HMG20B: variants seen among roughly 807,000 people sequenced by gnomAD.
HMG20B encodes high mobility group 20B.
Under a neutral mutation model 41.6 loss-of-function variants are expected in HMG20B, and 24 were observed. That is an observed-to-expected ratio of 0.58 (90% CI 0.42 to 0.81). HMG20B has a LOEUF of 0.81. Ranked by LOEUF, HMG20B falls within the 30% of genes least tolerant of loss-of-function variation. The pLI is 0.00. For missense variants in HMG20B, 461 were observed against 444.0 expected (o/e 1.04, Z -0.34); for synonymous variants, 251 against 186.6 (o/e 1.34, Z -2.81).
chr19:3,578,220 C>G lies in HMG20B; in HGVS notation c.941+107C>G, dbSNP rs749969143. Reference sequence around the variant, plus strand: ...CTGCTGGGTGGGACTCCGCAGCTTACTAGAGATCACCTCCCGGAGGGGCCT... The same window carrying G: ...CTGCTGGGTGGGACTCCGCAGCTTAGTAGAGATCACCTCCCGGAGGGGCCT... On this transcript the variant is annotated intron_variant, in intron 9 of 9. Coordinates refer to ENST00000333651, the MANE Select transcript of HMG20B (RefSeq NM_006339.3). The G allele has an allele frequency of 4.1e-6, 6 of 1,451,964 alleles. No homozygotes were observed. The Admixed American group carries it at 8.3e-5, about 20-fold the overall frequency. The allele number at this position is 1,451,964 out of a possible 1,614,324, so 89.9% of individuals were successfully genotyped here.
intron 8 of HMG20B, 107 bp from the exon 9 acceptor site, chr19:3,577,874 C>T (rs940030252): frequency 1.6e-5 from 17 of 1,054,046 alleles, no homozygotes; most frequent in Non-Finnish European, 1.9e-5. Flanking sequence ...GTCCGGACCT[C>T]TGAGCGCCCG....
At chr19:3,576,809 TG>T in intron 7 of HMG20B, 82 bp from the exon 8 acceptor site, 1 of 1,466,738 alleles carries the variant, frequency 6.8e-7, no homozygotes, top group Non-Finnish European at 9.3e-7. Context: ...GAGGGAAACC[TG>T]GGCAGGGGCA....
At chr19:3,578,366 G>A (rs1254160493) in intron 9 of HMG20B, 143 bp from the exon 10 acceptor site, 2 of 1,281,702 alleles carry the variant, frequency 1.6e-6, no homozygotes, top group African/African-American at 1.5e-5. Context: ...CCAGCGCCCG[G>A]GTTAGATAGG....
Position 3,573,805 on chromosome 19 carries a change from G to A in HMG20B, c.147+5G>A. The A allele has an allele frequency of 6.3e-7, 1 of 1,588,404 alleles. No individual in the cohort carries two copies. Among genetic ancestry groups the A allele is most frequent in the Non-Finnish European group, 8.5e-7 (1 of 1,170,940 alleles). On this transcript the variant is annotated splice_donor_5th_base_variant and intron_variant, in intron 3 of 9. Transcript: ENST00000333651. ...AAGGGGTCCCACGAGGAGGAGGTGA[G>A]AGTCCCTGCGCTGAGCTGGGGGAGG...
At chr19:3,573,248 G>A in intron 1 of HMG20B, 44 bp from the exon 2 acceptor site, 1 of 1,480,160 alleles carries the variant, frequency 6.8e-7, no homozygotes. Flanking sequence ...TCTGCCATCG[G>A]GCAGCCCGGG....
At chr19:3,574,109 G>A (rs924244402) in intron 3 of HMG20B, 7 of 629,956 alleles carry the variant, frequency 1.1e-5, no homozygotes, top group South Asian at 7.0e-5. Flanking sequence ...CGCCCACCAA[G>A]CAGAGGCCAC....
Position 3,573,782 on chromosome 19 carries a change from G to T in HMG20B, c.129G>T (p.Lys43Asn). 1 of 1,579,630 alleles carries T rather than the reference G, an allele frequency of 6.3e-7. No homozygotes were observed. Among genetic ancestry groups the T allele is most frequent in the South Asian group, 1.1e-5 (1 of 88,064 alleles). Residue 43 changes from lysine to asparagine, a missense_variant, in exon 3 of 10, where the codon AAG (lysine) becomes AAT (asparagine). Lys to Asn is a moderately conservative substitution (Grantham distance 94). This residue lies in a region of HMG20B where 104 missense variants were observed against 76.5 expected (regional missense o/e 1.36). Coordinates refer to ENST00000333651, the MANE Select transcript of HMG20B (RefSeq NM_006339.3). ...ERGEGPRAGEKGSHEEEPVKK... is the reference protein window; with the variant it reads ...ERGEGPRAGENGSHEEEPVKK... ...GCGAGGGTCCACGCGCGGGCGAGAAGGGGTCCCACGAGGAGGAGGTGAGAG... is the reference window on the plus strand; with the variant it reads ...GCGAGGGTCCACGCGCGGGCGAGAATGGGTCCCACGAGGAGGAGGTGAGAG...
chr19:3,575,456 G>T, intron 4 of HMG20B, 84 bp from the exon 5 acceptor site: 2 of 1,537,488 alleles, frequency 1.3e-6, no homozygotes. Context: ...GAGAGGGGAG[G>T]GTGCTGTGAA....
In HMG20B at chr19:3,578,868, A is replaced by G. The variant is rs768339650; in HGVS notation, c.*347A>G. 1.6e-5 allele frequency: 9 copies of G among 575,172 alleles called. No homozygotes were observed. The highest frequency in any genetic ancestry group is 1.4e-4 in the South Asian group (9 of 66,290). 35.6% of individuals were successfully genotyped at this position (575,172 alleles called of 1,614,324 possible). Reference sequence around the variant, plus strand: ...CCCCAGCACACGGCAGGACCCCCCAAATTACTCACTACGGGGGGCTGTGCC... The same window carrying G: ...CCCCAGCACACGGCAGGACCCCCCAGATTACTCACTACGGGGGGCTGTGCC... On this transcript the variant is annotated 3_prime_UTR_variant, in exon 10 of 10. Transcript: ENST00000333651.
chr19:3,577,090 C>T lies in HMG20B; in HGVS notation c.791C>T (p.Ala264Val). The change falls in exon 8 of 10, where the codon GCC (alanine) becomes GTC (valine). Residue 264 changes from alanine (A) to valine (V), a missense_variant. By Grantham distance (64) the Ala-to-Val change is moderately conservative. Around this residue, in one of 3 missense-constraint regions of HMG20B, gnomAD observed 308 missense variants for 283.4 expected, o/e 1.09. Transcript: ENST00000333651. ...AVRQALTASF[A>V]SLPVPGTGET... is the part of the protein sequence containing the mutation. ...CGCCAGGCGCTCACCGCCAGCTTCG[C>T]CTCACTGCCGGTGCCGGGTGCGGGC... The T allele has an allele frequency of 6.5e-7, 1 of 1,536,850 alleles. No individual in the cohort carries two copies.
At chr19:3,576,159 C>T in intron 5 of HMG20B, 102 bp from the exon 6 acceptor site, 1 of 1,020,410 alleles carries the variant, frequency 9.8e-7, no homozygotes, top group Non-Finnish European at 1.5e-6. Flanking sequence ...GCGGGGCACT[C>T]AAGTGGGGAG....
intron 8 of HMG20B, 91 bp from the exon 9 acceptor site, chr19:3,577,890 C>A: frequency 1.6e-6 from 2 of 1,246,206 alleles, no homozygotes; most frequent in Non-Finnish European, 2.2e-6. Flanking sequence ...GCCCGCGCGA[C>A]CCGCCCTGAG....
rs976610949 is a variant in HMG20B at position 3,575,629 on chromosome 19, G to A, written c.441G>A (p.Thr147=). The A allele has an allele frequency of 1.3e-5, 20 of 1,551,354 alleles. No individual in the cohort carries two copies. Among genetic ancestry groups the A allele is most frequent in the East Asian group, 2.4e-5 (1 of 40,930 alleles). Reference sequence around the variant, plus strand: ...AGTCTGAAGCCTATAAGATGTGCACGGAGAAGATCCAGGAGAAGAAGATCA... The same window carrying A: ...AGTCTGAAGCCTATAAGATGTGCACAGAGAAGATCCAGGAGAAGAAGATCA... ...YQQSEAYKMC[T]EKIQEKKIKK... Residue 147 remains threonine, a synonymous_variant, in exon 5 of 10, where the codon ACG becomes ACA. Transcript: ENST00000333651.
In HMG20B at chr19:3,576,676, A is replaced by AG. The variant is rs2032168649; in HGVS notation, c.592+57dup. The stretch of plus-strand genomic sequence containing the variant: ...CGAACTCCGTGAAACTGGGTGGTAG[A>AG]GGGGGGCGTGGGCCAGGAGGGCCCC... On this transcript the variant is annotated intron_variant, in intron 7 of 9. Transcript: ENST00000333651. The AG allele has an allele frequency of 2.0e-6, 3 of 1,536,444 alleles. No homozygotes were observed. In the East Asian group the frequency reaches 6.9e-5, roughly 35 times the overall value.
intron 5 of HMG20B, chr19:3,575,941 CTCA>C: frequency 3.2e-6 from 1 of 312,196 alleles, no homozygotes; most frequent in Non-Finnish European, 5.5e-6. Context: ...GAGACTCCGT[CTCA>C]AAAAAAAAAA....
chr19:3,573,046 G>A (rs1421870023), intron 1 of HMG20B, 52 bp downstream of exon 1: 13 of 443,356 alleles, frequency 2.9e-5, no homozygotes, highest in Non-Finnish European at 4.8e-5. Flanking sequence ...GGGTGCAGGG[G>A]TCCCAGGGCC....
rs1249726191 is a variant in HMG20B at position 3,578,257 on chromosome 19, C to T, written c.941+144C>T. ...TCCCGGAGGGGCCTACCTGCGGTCG[C>T]CCCTGATGCACCAGTGCTAGGATGG... On this transcript the variant is annotated intron_variant, in intron 9 of 9. Transcript: ENST00000333651. The T allele has an allele frequency of 4.0e-6, 5 of 1,255,026 alleles. No individual in the cohort carries two copies. The East Asian group carries it at 1.2e-4, about 31-fold the overall frequency. 77.7% of individuals were successfully genotyped at this position (1,255,026 alleles called of 1,614,324 possible). A position where few individuals can be genotyped will look rare whatever the true frequency, so the allele number is the denominator to read the frequency against.
rs1320695564 is a variant in HMG20B at position 3,578,032 on chromosome 19, T to A, written c.860T>A (p.Leu287His). ...ACTCTGGACTTCTACATGGCCCGGC[T>A]TCACGGAGCCATCGAGCGCGACCCC... ...LGTLDFYMARLHGAIERDPAQ... is the reference protein window; with the variant it reads ...LGTLDFYMARHHGAIERDPAQ... Residue 287 changes from leucine to histidine, a missense_variant, in exon 9 of 10, where the codon CTT becomes CAT. Leu to His is a moderately conservative substitution (Grantham distance 99). Coordinates refer to ENST00000333651, the MANE Select transcript of HMG20B (RefSeq NM_006339.3). The A allele has an allele frequency of 6.2e-7, 1 of 1,609,560 alleles. No homozygotes were observed. Among genetic ancestry groups the A allele is most frequent in the Non-Finnish European group, 8.5e-7 (1 of 1,178,944 alleles).
At chr19:3,577,948 C>T (rs911798439) in intron 8 of HMG20B, 33 bp from the exon 9 acceptor site, 2 of 1,546,968 alleles carry the variant, frequency 1.3e-6, no homozygotes, top group African/African-American at 1.4e-5. Flanking sequence ...GACTCCCCGG[C>T]ACCCTCGCCT....
Sources: gnomAD v4.1 joint callset for allele counts on GRCh38, gnomAD v4.1.1 for gene constraint, gnomAD v4.1.1 regional missense constraint, MANE v1.5 for transcripts, NCBI Gene and HGNC (gene_info 2026-07-23, HGNC 2026-07-21) for gene names.